The following IL31RA variants were observed in gnomAD, a reference collection of about 807,000 sequenced individuals.
IL31RA encodes interleukin-31 receptor subunit alpha.
Under a neutral mutation model 83.7 loss-of-function variants are expected in IL31RA, and 66 were observed. The ratio of observed to expected loss-of-function variants is 0.79; its 90% CI spans 0.65 to 0.97. IL31RA has a LOEUF of 0.97. IL31RA is among the 50% of genes least tolerant of loss of function. The pLI is 0.00. For synonymous variants in IL31RA, 325 were observed against 329.0 expected (o/e 0.99, Z 0.13); for missense variants, 798 against 919.4 (o/e 0.87, Z 1.71).
At chr5:55,904,618 C>T (rs1378078529) in intron 8 of IL31RA, among the ~76,000 whole-genome samples, 2 of 152,226 alleles carry the variant, frequency 1.3e-5, no homozygotes, top group African/African-American at 4.8e-5. Context: ...GACAACTTAC[C>T]TGGCCTTGCT....
At chr5:55,897,340 T>C (rs1580719757) in intron 7 of IL31RA, among the ~76,000 whole-genome samples, 1 of 151,828 alleles carries the variant, frequency 6.6e-6, no homozygotes, top group South Asian at 2.1e-4. Context: ...CAGACGCTGG[T>C]CCCCCTCCTC....
At position 55,906,153 on chromosome 5, in the gene IL31RA, C is replaced by T; in HGVS notation, c.1117C>T (p.Leu373=). The T allele has an allele frequency of 6.2e-7, 1 of 1,613,768 alleles. No individual in the cohort carries two copies. The highest frequency in any genetic ancestry group is 8.5e-7 in the Non-Finnish European group (1 of 1,179,992). Residue 373 remains leucine (L), a synonymous_variant, in exon 9 of 15, where the codon CTA becomes TTA. Transcript: ENST00000652347. ...GCAGGCCTGCGTTGCTGAGGACCAGCTAGTGGTGAAGTGGCAAAGCTCTGC... is the reference window on the plus strand; with the variant it reads ...GCAGGCCTGCGTTGCTGAGGACCAGTTAGTGGTGAAGTGGCAAAGCTCTGC... The part of the protein sequence containing the change: ...VMQACVAEDQ[L]VVKWQSSALD...
At chr5:55,892,170 T>C (rs1033981058) in intron 6 of IL31RA, among the ~76,000 whole-genome samples, 1 of 152,194 alleles carries the variant, frequency 6.6e-6, no homozygotes, top group Non-Finnish European at 1.5e-5. Context: ...TTCTTCTGAA[T>C]GATGGACAAG....
chr5:55,908,432 G>A (rs1254628304), intron 11 of IL31RA, 21 bp downstream of exon 11: 2 of 1,614,190 alleles, frequency 1.2e-6, no homozygotes, highest in Admixed American at 1.7e-5. Context: ...CCATAGCGAA[G>A]TGGAAAAAAA....
upstream of IL31RA, among the ~76,000 whole-genome samples, chr5:55,849,928 G>T (rs1745013881): frequency 6.6e-6 from 1 of 152,136 alleles, no homozygotes; most frequent in South Asian, 2.1e-4. Context: ...TTGAAACTTG[G>T]CATGTTGGAA....
chr5:55,877,473 T>C (rs1746928925), intron 4 of IL31RA, among the ~76,000 whole-genome samples: 1 of 152,270 alleles, frequency 6.6e-6, no homozygotes, highest in Non-Finnish European at 1.5e-5. Context: ...TAATGTCTAG[T>C]GTCCTTTCAT....
rs1750138742 is a variant in IL31RA, at chr5:55,922,440, C to T, written c.*5320C>T. 6.5e-7 allele frequency: 1 copy of T among 1,549,848 alleles called. No individual in the cohort carries two copies. On this transcript the variant is annotated 3_prime_UTR_variant, in exon 15 of 15. Coordinates refer to ENST00000652347, the MANE Select transcript of IL31RA (RefSeq NM_139017.7). ...TGCCCAACTTCAATATAAGTGTGGA[C>T]TAAAATGCGAGAAAGGTGTCCTGTG...
chr5:55,855,474 T>C (rs1223797399), intron 1 of IL31RA, among the ~76,000 whole-genome samples: 3 of 152,098 alleles, frequency 2.0e-5, no homozygotes, highest in African/African-American at 7.2e-5. Flanking sequence ...TGAGTGAATG[T>C]ATGAATGAAT....
At chr5:55,873,369 T>C (rs1746652347) in intron 4 of IL31RA, among the ~76,000 whole-genome samples, 1 of 152,174 alleles carries the variant, frequency 6.6e-6, no homozygotes, top group African/African-American at 2.4e-5. Flanking sequence ...GCTGTGAATA[T>C]TTGTATACAA....
chr5:55,872,613 G>A (rs1170662574), intron 4 of IL31RA, among the ~76,000 whole-genome samples, 162 bp downstream of exon 4: 1 of 132,914 alleles, frequency 7.5e-6, no homozygotes, highest in Middle Eastern at 3.9e-3. Context: ...AAGGAAGTGG[G>A]GGAAGGAGGG....
intron 2 of IL31RA, among the ~76,000 whole-genome samples, chr5:55,862,286 T>C (rs998554895): frequency 3.3e-5 from 5 of 152,262 alleles, no homozygotes; most frequent in African/African-American, 1.2e-4. Flanking sequence ...TACTATCTTA[T>C]AATACAATAA....
In IL31RA at chr5:55,914,730, T is replaced by G. The variant is rs1580748785; in HGVS notation, c.1737-117T>G. 3.7e-6 allele frequency: 3 copies of G among 810,048 alleles called. No homozygotes were observed. The East Asian group carries it at 7.8e-5, about 21-fold the overall frequency. 50.2% of individuals were successfully genotyped at this position (810,048 alleles called of 1,614,324 possible). On this transcript the variant is annotated intron_variant, in intron 13 of 14. Transcript: ENST00000652347. The stretch of plus-strand genomic sequence containing the variant: ...CAGGTTCTATTAGGCAGACATGCCC[T>G]TATTTAGGAGGGAAACTTACAATTC...
At chr5:55,907,229 A>C (rs1402259300) in intron 9 of IL31RA, 130 bp from the exon 10 acceptor site, 1 of 674,510 alleles carries the variant, frequency 1.5e-6, no homozygotes, top group Non-Finnish European at 2.7e-6. Context: ...TAACCTGTTT[A>C]TTTTCCAGAG....
chr5:55,859,128 T>A (rs915086704), intron 1 of IL31RA, among the ~76,000 whole-genome samples: 1 of 152,186 alleles, frequency 6.6e-6, no homozygotes, highest in Non-Finnish European at 1.5e-5. Flanking sequence ...AGATGTGAGA[T>A]AGCGTGGTGC....
intron 2 of IL31RA, among the ~76,000 whole-genome samples, chr5:55,867,334 T>C (rs1368734826): frequency 6.6e-6 from 1 of 151,546 alleles, no homozygotes; most frequent in Non-Finnish European, 1.5e-5. Context: ...TGTGTGTGTG[T>C]GTATGTTTAG....
rs1163471991 is a variant in IL31RA at position 55,889,825 on chromosome 5, T to C, written c.607-145T>C. Reference sequence around the variant, plus strand: ...AATTGTTCCCAGGCACATATGGAAGTCTGTTAATAAAAATGATATATTTTA... The same window carrying C: ...AATTGTTCCCAGGCACATATGGAAGCCTGTTAATAAAAATGATATATTTTA... On this transcript the variant is annotated intron_variant, in intron 5 of 14. Coordinates refer to ENST00000652347, the MANE Select transcript of IL31RA (RefSeq NM_139017.7). The C allele has an allele frequency of 4.0e-6, 3 of 745,838 alleles. No individual in the cohort carries two copies. In the African/African-American group the frequency reaches 5.2e-5, roughly 13 times the overall value. The allele number at this position is 745,838 out of a possible 1,614,324, so 46.2% of individuals were successfully genotyped here. A position where few individuals can be genotyped will look rare whatever the true frequency, so the allele number is the denominator to read the frequency against.
In IL31RA at chr5:55,899,955, T is replaced by C; in HGVS notation, c.892T>C (p.Tyr298His). ...CCCAGTCCTAGAGAAAACACTTGGC[T>C]ACAACATATGGTACTATCCAGAAAG... ...GAPVLEKTLG[Y>H]NIWYYPESNT... The change falls in exon 8 of 15, where the codon TAC becomes CAC. Residue 298 changes from tyrosine to histidine, a missense_variant. Coordinates refer to ENST00000652347, the MANE Select transcript of IL31RA (RefSeq NM_139017.7). 2 of 1,614,256 alleles carry C rather than the reference T, an allele frequency of 1.2e-6. No homozygotes were observed. The highest frequency in any genetic ancestry group is 1.7e-6 in the Non-Finnish European group (2 of 1,180,044).
chr5:55,862,196 T>C (rs1288705221), intron 2 of IL31RA, among the ~76,000 whole-genome samples: 1 of 152,224 alleles, frequency 6.6e-6, no homozygotes, highest in Non-Finnish European at 1.5e-5. Context: ...AATTCTATTT[T>C]GACTAATTTT....
chr5:55,887,983 G>A (rs2112464054), intron 5 of IL31RA, among the ~76,000 whole-genome samples: 1 of 151,826 alleles, frequency 6.6e-6, no homozygotes, highest in Admixed American at 6.5e-5. Context: ...CCGGGAGGCA[G>A]AGGTTGCAGT....
Sources: allele counts gnomAD v4.1 joint callset (sites outside exome capture counted in the v4.1 genomes callset), GRCh38; gene constraint gnomAD v4.1.1; transcripts MANE v1.5; gene names NCBI Gene and HGNC (gene_info 2026-07-23, HGNC 2026-07-21).